Variants in BICD2 observed in about 807,000 individuals in gnomAD.
BICD2 encodes the protein protein bicaudal D homolog 2.
In BICD2, 25 loss-of-function variants were observed where a neutral mutation model predicts 72.9. The observed-to-expected ratio is 0.34, with a 90% CI of 0.25 to 0.48. The LOEUF is 0.48. BICD2 is among the 20% of genes least tolerant of loss of function. The probability of loss-of-function intolerance (pLI) is 0.99; values close to 1 mark genes in which losing one functional copy is unlikely to be tolerated. For synonymous variants in BICD2, 501 were observed against 516.1 expected (o/e 0.97, Z 0.40); for missense variants, 894 against 1,175.2 (o/e 0.76, Z 3.50).
intron 1 of BICD2, among the ~76,000 whole-genome samples, chr9:92,738,973 T>C (rs1374704311): frequency 6.6e-6 from 1 of 151,952 alleles, no homozygotes; most frequent in East Asian, 1.9e-4. Flanking sequence ...TGAAGGGCCA[T>C]GATGCCTGCC....
Position 92,713,950 on chromosome 9 carries a change from A to G in BICD2, c.*1204T>C. 4 of 989,976 alleles carry G rather than the reference A, an allele frequency of 4.0e-6. No individual in the cohort carries two copies. Among genetic ancestry groups the G allele is most frequent in the Non-Finnish European group, 4.8e-6 (4 of 832,592 alleles). 61.3% of individuals were successfully genotyped at this position (989,976 alleles called of 1,614,324 possible). ...CTGCAGGAGAGAAGACTGCAGCCTC[A>G]GGTCCAGCTGGTCCCACAGGGTGAT... On this transcript the variant is annotated 3_prime_UTR_variant, in exon 7 of 7. Coordinates refer to ENST00000356884, the MANE Select transcript of BICD2 (RefSeq NM_001003800.2).
chr9:92,733,892 G>A (rs1041112592), intron 1 of BICD2, among the ~76,000 whole-genome samples: 11 of 152,168 alleles, frequency 7.2e-5, no homozygotes, highest in South Asian at 4.2e-4. Flanking sequence ...GCGTGAACCC[G>A]GGAGGCGGAG....
At chr9:92,744,749 G>A (rs1258256616) in intron 1 of BICD2, among the ~76,000 whole-genome samples, 1 of 152,030 alleles carries the variant, frequency 6.6e-6, no homozygotes. Flanking sequence ...GCTGAGGCAG[G>A]AGAATCACTT....
intron 1 of BICD2, among the ~76,000 whole-genome samples, chr9:92,741,288 G>A (rs1427093759): frequency 6.6e-6 from 1 of 152,174 alleles, no homozygotes; most frequent in Non-Finnish European, 1.5e-5. Context: ...GCAAACAGAA[G>A]TAACCATTTA....
intron 1 of BICD2, among the ~76,000 whole-genome samples, chr9:92,736,004 T>G (rs780257615): frequency 2.6e-5 from 4 of 152,188 alleles, no homozygotes; most frequent in African/African-American, 4.8e-5. Context: ...ATCATGTGAC[T>G]CTGTCAGAGG....
rs141995029 is a variant in BICD2 at position 92,722,112 on chromosome 9, C to G, written c.606+544G>C. Among the ~76,000 whole-genome samples, 769 of 152,346 alleles carry G rather than the reference C, an allele frequency of 5.0e-3. 6 individuals are homozygous for G. The highest frequency in any genetic ancestry group is 0.017 in the African/African-American group (703 of 41,568). Reference sequence around the variant, plus strand: ...CAAGTTCAGGCCTTGAGTGGCAGAACAGCAGAGCACATGACAATTTAGTCA... The same window carrying G: ...CAAGTTCAGGCCTTGAGTGGCAGAAGAGCAGAGCACATGACAATTTAGTCA... On this transcript the variant is annotated intron_variant, in intron 3 of 6. Transcript: ENST00000356884.
chr9:92,755,893 C>A (rs191927256), intron 1 of BICD2, among the ~76,000 whole-genome samples: 1 of 152,322 alleles, frequency 6.6e-6, no homozygotes, highest in East Asian at 1.9e-4. Flanking sequence ...GAAATTGATC[C>A]ACCTCCAAGG....
intron 6 of BICD2, among the ~76,000 whole-genome samples, chr9:92,715,706 T>C (rs779177281): frequency 2.4e-4 from 36 of 152,226 alleles, no homozygotes; most frequent in Admixed American, 1.3e-4. Flanking sequence ...GGCAGCCCTA[T>C]GAGGCTGGCT....
At chr9:92,759,601 C>G (rs554319326) in intron 1 of BICD2, among the ~76,000 whole-genome samples, 1 of 152,274 alleles carries the variant, frequency 6.6e-6, no homozygotes, top group Non-Finnish European at 1.5e-5. Flanking sequence ...AGCTAGGCAG[C>G]CACATTGGGC....
intron 2 of BICD2, among the ~76,000 whole-genome samples, chr9:92,724,505 A>G (rs1280121070): frequency 2.0e-5 from 3 of 152,248 alleles, no homozygotes; most frequent in Non-Finnish European, 4.4e-5. Flanking sequence ...TCTCATTATA[A>G]GTGACCCAAG....
rs189411516 is a variant in BICD2, at chr9:92,715,586, C to T, written c.2259-123G>A. On this transcript the variant is annotated intron_variant, in intron 6 of 6. Coordinates refer to ENST00000356884, the MANE Select transcript of BICD2 (RefSeq NM_001003800.2). Reference sequence around the variant, plus strand: ...TACCAGAGCCATCCTTCAATGTGGCCTCTGGACTGGAGGGTGTGGCTGGGG... The same window carrying T: ...TACCAGAGCCATCCTTCAATGTGGCTTCTGGACTGGAGGGTGTGGCTGGGG... 5 of 972,424 alleles carry T rather than the reference C, an allele frequency of 5.1e-6. No individual in the cohort carries two copies. The African/African-American group carries it at 8.2e-5, about 16-fold the overall frequency. The allele number at this position is 972,424 out of a possible 1,614,324, so 60.2% of individuals were successfully genotyped here.
At chr9:92,763,487 G>C (rs552199687) in intron 1 of BICD2, among the ~76,000 whole-genome samples, 1 of 152,130 alleles carries the variant, frequency 6.6e-6, no homozygotes, top group African/African-American at 2.4e-5. Context: ...TTTGCAGAGG[G>C]GGAAACTAAG....
intron 1 of BICD2, among the ~76,000 whole-genome samples, chr9:92,744,161 C>T (rs532078465): frequency 1.1e-4 from 17 of 152,344 alleles, no homozygotes; most frequent in Middle Eastern, 6.8e-3. Context: ...GTCTACCTGA[C>T]AGTGGGTGAG....
intron 6 of BICD2, among the ~76,000 whole-genome samples, chr9:92,717,217 G>T (rs1365399049): frequency 2.0e-5 from 3 of 152,238 alleles, no homozygotes; most frequent in Non-Finnish European, 4.4e-5. Flanking sequence ...TTGGATTCAA[G>T]GGGTGGGAGC....
At chr9:92,731,008 G>A (rs1352520279) in intron 1 of BICD2, among the ~76,000 whole-genome samples, 2 of 152,194 alleles carry the variant, frequency 1.3e-5, no homozygotes, top group East Asian at 3.8e-4. Flanking sequence ...ATCCACCCTG[G>A]CCAGCCACCC....
chr9:92,727,952 C>A (rs1183009893), intron 2 of BICD2, among the ~76,000 whole-genome samples: 1 of 152,236 alleles, frequency 6.6e-6, no homozygotes, highest in African/African-American at 2.4e-5. Flanking sequence ...TTTGCTCACA[C>A]TGTTTCCTCA....
intron 1 of BICD2, among the ~76,000 whole-genome samples, chr9:92,735,525 G>A: frequency 6.6e-6 from 1 of 151,800 alleles, no homozygotes; most frequent in East Asian, 2.0e-4. Context: ...AGCATTAGGA[G>A]CCACCCTGAG....
chr9:92,734,292 A>G (rs1853733235), intron 1 of BICD2, among the ~76,000 whole-genome samples: 1 of 152,120 alleles, frequency 6.6e-6, no homozygotes, highest in Admixed American at 6.6e-5. Context: ...CAAGCAGATC[A>G]CTTGAGGCCA....
chr9:92,745,334 C>A (rs907773434), intron 1 of BICD2, among the ~76,000 whole-genome samples: 2 of 152,032 alleles, frequency 1.3e-5, no homozygotes, highest in Admixed American at 1.3e-4. Context: ...GTGAGATGAG[C>A]TGGAACCTCT....
Sources: gnomAD v4.1 joint callset for allele counts (sites outside exome capture counted in the v4.1 genomes callset) on GRCh38, gnomAD v4.1.1 for gene constraint, MANE v1.5 for transcripts, NCBI Gene and HGNC (gene_info 2026-07-23, HGNC 2026-07-21) for gene names.